The following PCDHB5 variants were observed in gnomAD, a reference collection of about 807,000 sequenced individuals.
PCDHB5 encodes the protein protocadherin beta-5.
For synonymous variants in PCDHB5, 569 were observed against 462.2 expected (o/e 1.23, Z -2.96); for missense variants, 1,125 against 1,029.4 (o/e 1.09, Z -1.27).
chr5:141,137,439 T>C lies in PCDHB5; in HGVS notation c.2005T>C (p.Tyr669His). 6.2e-7 allele frequency: 1 copy of C among 1,612,084 alleles called. No individual in the cohort carries two copies. The highest frequency in any genetic ancestry group is 8.5e-7 in the Non-Finnish European group (1 of 1,179,610). ...CCTGGTGGACGGCTTCTCCCAGCCCTACCTGCCGCTGCCGGAGGCGGCCCC... is the reference window on the plus strand; with the variant it reads ...CCTGGTGGACGGCTTCTCCCAGCCCCACCTGCCGCTGCCGGAGGCGGCCCC... ...VLLVDGFSQP[Y>H]LPLPEAAPAQ... Residue 669 changes from tyrosine (Y) to histidine (H), a missense_variant, in exon 1 of 1, where the codon TAC (tyrosine) becomes CAC (histidine). Transcript: ENST00000231134.
At position 141,136,201 on chromosome 5, in the gene PCDHB5, C is replaced by T. The variant is rs782313237; in HGVS notation, c.767C>T (p.Pro256Leu). 1.9e-6 allele frequency: 3 copies of T among 1,613,924 alleles called. No homozygotes were observed. Among genetic ancestry groups the T allele is most frequent in the Admixed American group, 3.3e-5 (2 of 60,006 alleles). The change falls in exon 1 of 1, where the codon CCC becomes CTC. Residue 256 changes from proline (P) to leucine (L), a missense_variant. Transcript: ENST00000231134. Reference protein sequence around the residue: ...FYEVQVPENSPLNSLVVVVSA... With the variant: ...FYEVQVPENSLLNSLVVVVSA... ...GAGGTACAGGTGCCCGAGAACAGCC[C>T]CCTTAACTCCTTAGTTGTCGTTGTC... is the stretch of plus-strand genomic sequence containing the variant.
At position 141,137,838 on chromosome 5, in the gene PCDHB5, G is replaced by A. The variant is rs13177760; in HGVS notation, c.*16G>A. The A allele has an allele frequency of 3.9e-6, 6 of 1,551,066 alleles. No homozygotes were observed. The South Asian group carries it at 6.1e-5, about 16-fold the overall frequency. ...ATTAAATTAGAGATCTCGTGATGACGCGTTGTTTTCTGCCATTTATCCCAA... is the reference window on the plus strand; with the variant it reads ...ATTAAATTAGAGATCTCGTGATGACACGTTGTTTTCTGCCATTTATCCCAA... On this transcript the variant is annotated 3_prime_UTR_variant, in exon 1 of 1. Coordinates refer to ENST00000231134, the MANE Select transcript of PCDHB5 (RefSeq NM_015669.5).
In PCDHB5 at chr5:141,135,718, T is replaced by G; in HGVS notation, c.284T>G (p.Met95Arg). 1 of 1,614,112 alleles carries G rather than the reference T, an allele frequency of 6.2e-7. No individual in the cohort carries two copies. The highest frequency in any genetic ancestry group is 1.3e-5 in the African/African-American group (1 of 75,026). The change falls in exon 1 of 1, where the codon ATG becomes AGG. Residue 95 changes from methionine (M) to arginine (R), a missense_variant. Coordinates refer to ENST00000231134, the MANE Select transcript of PCDHB5 (RefSeq NM_015669.5). ...TATGAAAAACTAGACCGGGAGGTGA[T>G]GTGCGGGGCGACAGAACCCTGTATA... ...LLYEKLDREV[M>R]CGATEPCILH...
rs782557746 is a variant in PCDHB5, at chr5:141,135,821, T to C, written c.387T>C (p.His129=). The stretch of plus-strand genomic sequence containing the variant: ...TGCAGCTCACAGATATAAATGACCA[T>C]GCCCCAGAGTTCCCAGAGAAGGAAA... ...TDLQLTDIND[H]APEFPEKEML... is the part of the protein sequence containing the mutation. Residue 129 remains histidine (H), a synonymous_variant, in exon 1 of 1, where the codon CAT becomes CAC. Coordinates refer to ENST00000231134, the MANE Select transcript of PCDHB5 (RefSeq NM_015669.5). 22 of 1,613,882 alleles carry C rather than the reference T, an allele frequency of 1.4e-5. No homozygotes were observed. Among genetic ancestry groups the C allele is most frequent in the East Asian group, 2.2e-5 (1 of 44,892 alleles).
chr5:141,136,496 T>C lies in PCDHB5; in HGVS notation c.1062T>C (p.Pro354=), dbSNP rs782647875. The C allele has an allele frequency of 1.2e-6, 2 of 1,614,082 alleles. No individual in the cohort carries two copies. Among genetic ancestry groups the C allele is most frequent in the Non-Finnish European group, 1.7e-6 (2 of 1,180,000 alleles). The part of the protein sequence containing the change: ...PELTMSTLSS[P]TPENAPETVV... ...TCACCATGTCTACGCTCTCCAGCCCTACCCCAGAAAATGCCCCGGAAACTG... is the reference window on the plus strand; with the variant it reads ...TCACCATGTCTACGCTCTCCAGCCCCACCCCAGAAAATGCCCCGGAAACTG... The change falls in exon 1 of 1, where the codon CCT becomes CCC. Residue 354 remains proline, a synonymous_variant. Transcript: ENST00000231134.
rs1554276100 is a variant in PCDHB5 at position 141,137,074 on chromosome 5, G to A, written c.1640G>A (p.Arg547His). 2.4e-5 allele frequency: 39 copies of A among 1,611,672 alleles called. No homozygotes were observed. Among genetic ancestry groups the A allele is most frequent in the Non-Finnish European group, 3.1e-5 (37 of 1,179,660 alleles). The stretch of plus-strand genomic sequence containing the variant: ...GCGCTGAGCAGCGAGGCGCTGGTGC[G>A]CGTGCTGGTGCTGGACGCCAACGAC... ...SPALSSEALV[R>H]VLVLDANDNS... is the part of the protein sequence containing the mutation. The change falls in exon 1 of 1, where the codon CGC becomes CAC. Residue 547 changes from arginine (R) to histidine (H), a missense_variant. Physicochemically the swap from Arg to His is conservative, Grantham distance 29. Transcript: ENST00000231134.
At position 141,137,450 on chromosome 5, in the gene PCDHB5, G is replaced by C. The variant is rs781937074; in HGVS notation, c.2016G>C (p.Leu672=). 2.7e-5 allele frequency: 43 copies of C among 1,612,304 alleles called. 1 individual carries two copies. The highest frequency in any genetic ancestry group is 1.7e-4 in the Admixed American group (10 of 59,982). ...VDGFSQPYLP[L]PEAAPAQAQA... ...GCTTCTCCCAGCCCTACCTGCCGCT[G>C]CCGGAGGCGGCCCCGGCCCAGGCCC... Residue 672 remains leucine (L), a synonymous_variant, in exon 1 of 1, where the codon CTG becomes CTC. Coordinates refer to ENST00000231134, the MANE Select transcript of PCDHB5 (RefSeq NM_015669.5).
chr5:141,137,489 C>T lies in PCDHB5; in HGVS notation c.2055C>T (p.Leu685=). 5 of 1,612,798 alleles carry T rather than the reference C, an allele frequency of 3.1e-6. No homozygotes were observed. Among genetic ancestry groups the T allele is most frequent in the Non-Finnish European group, 4.2e-6 (5 of 1,179,754 alleles). ...AAPAQAQADS[L]TVYLVVALAS... Reference sequence around the variant, plus strand: ...CGGCCCAGGCCCAGGCCGACTCGCTCACTGTCTACCTGGTGGTGGCATTGG... The same window carrying T: ...CGGCCCAGGCCCAGGCCGACTCGCTTACTGTCTACCTGGTGGTGGCATTGG... Residue 685 remains leucine, a synonymous_variant, in exon 1 of 1, where the codon CTC becomes CTT. Transcript: ENST00000231134.
rs782035219 is a variant in PCDHB5, at chr5:141,137,866, T to A, written c.*44T>A. 6.6e-7 allele frequency: 1 copy of A among 1,505,234 alleles called. No homozygotes were observed. Among genetic ancestry groups the A allele is most frequent in the Non-Finnish European group, 8.9e-7 (1 of 1,119,194 alleles). 93.2% of individuals were successfully genotyped at this position (1,505,234 alleles called of 1,614,324 possible). A position where few individuals can be genotyped will look rare whatever the true frequency, so the allele number is the denominator to read the frequency against. Reference sequence around the variant, plus strand: ...TTGTTTTCTGCCATTTATCCCAAACTTTTTCAGATCTAGAATTCGAGAGTG... The same window carrying A: ...TTGTTTTCTGCCATTTATCCCAAACATTTTCAGATCTAGAATTCGAGAGTG... On this transcript the variant is annotated 3_prime_UTR_variant, in exon 1 of 1. Coordinates refer to ENST00000231134, the MANE Select transcript of PCDHB5 (RefSeq NM_015669.5).
In PCDHB5 at chr5:141,136,859, A is replaced by G. The variant is rs782438715; in HGVS notation, c.1425A>G (p.Thr475=). The stretch of plus-strand genomic sequence containing the variant: ...TGCACATCGGCAGTGTCAGCGCCAC[A>G]GACAGAGACTCAGGCACCAACGCCC... ...PALHIGSVSA[T]DRDSGTNAQV... Residue 475 remains threonine, a synonymous_variant, in exon 1 of 1, where the codon ACA becomes ACG. Transcript: ENST00000231134. 1 of 1,612,886 alleles carries G rather than the reference A, an allele frequency of 6.2e-7. No homozygotes were observed. The highest frequency in any genetic ancestry group is 1.1e-5 in the South Asian group (1 of 90,990).
chr5:141,135,323 T>C lies in PCDHB5; in HGVS notation c.-112T>C. The C allele has an allele frequency of 1.3e-6, 1 of 771,898 alleles. No homozygotes were observed. The highest frequency in any genetic ancestry group is 1.8e-5 in the South Asian group (1 of 54,868). 47.8% of individuals were successfully genotyped at this position (771,898 alleles called of 1,614,324 possible). On this transcript the variant is annotated 5_prime_UTR_variant, in exon 1 of 1. Coordinates refer to ENST00000231134, the MANE Select transcript of PCDHB5 (RefSeq NM_015669.5). ...TAGTGGCTAGATCTTCAGGGTGGGC[T>C]TCGTTCTTGTGGAAATCAGTCAAGA...
In PCDHB5 at chr5:141,136,131, T is replaced by A. The variant is rs974862546; in HGVS notation, c.697T>A (p.Leu233Met). Reference sequence around the variant, plus strand: ...GACCACCACAATTCGCATTGTCGTCTTGGATAATAATGACAACGCCCCCGA... The same window carrying A: ...GACCACCACAATTCGCATTGTCGTCATGGATAATAATGACAACGCCCCCGA... The part of the protein sequence containing the change: ...SGTTTIRIVV[L>M]DNNDNAPEFL... Residue 233 changes from leucine (L) to methionine (M), a missense_variant, in exon 1 of 1, where the codon TTG becomes ATG. By Grantham distance (15) the Leu-to-Met change is conservative. Transcript: ENST00000231134. 4 of 1,614,034 alleles carry A rather than the reference T, an allele frequency of 2.5e-6. No homozygotes were observed. The highest frequency in any genetic ancestry group is 3.4e-6 in the Non-Finnish European group (4 of 1,179,980).
Position 141,137,945 on chromosome 5 carries a change from A to C in PCDHB5, c.*123A>C. 1 of 907,206 alleles carries C rather than the reference A, an allele frequency of 1.1e-6. No homozygotes were observed. Among genetic ancestry groups the C allele is most frequent in the Non-Finnish European group, 1.7e-6 (1 of 597,350 alleles). The allele number at this position is 907,206 out of a possible 1,614,324, so 56.2% of individuals were successfully genotyped here. On this transcript the variant is annotated 3_prime_UTR_variant, in exon 1 of 1. Coordinates refer to ENST00000231134, the MANE Select transcript of PCDHB5 (RefSeq NM_015669.5). ...GAGCTTTTATTTCCCTTTTTAATGG[A>C]TTTGTCTGTTGAACTTCATGCTGTC... is the stretch of plus-strand genomic sequence containing the variant.
rs782671821 is a variant in PCDHB5 at position 141,136,196 on chromosome 5, C to T, written c.762C>T (p.Asn254=). Residue 254 remains asparagine (N), a synonymous_variant, in exon 1 of 1, where the codon AAC becomes AAT. Coordinates refer to ENST00000231134, the MANE Select transcript of PCDHB5 (RefSeq NM_015669.5). ...TCTATGAGGTACAGGTGCCCGAGAA[C>T]AGCCCCCTTAACTCCTTAGTTGTCG... ...QSFYEVQVPE[N]SPLNSLVVVV... 5 of 1,614,068 alleles carry T rather than the reference C, an allele frequency of 3.1e-6. No individual in the cohort carries two copies. The highest frequency in any genetic ancestry group is 8.5e-7 in the Non-Finnish European group (1 of 1,179,996).
At position 141,135,806 on chromosome 5, in the gene PCDHB5, A is replaced by G; in HGVS notation, c.372A>G (p.Thr124=). The change falls in exon 1 of 1, where the codon ACA becomes ACG. Residue 124 remains threonine (T), a synonymous_variant. Coordinates refer to ENST00000231134, the MANE Select transcript of PCDHB5 (RefSeq NM_015669.5). ...VQFFQTDLQL[T]DINDHAPEFP... ...TTTTTCAAACTGATCTGCAGCTCAC[A>G]GATATAAATGACCATGCCCCAGAGT... 1 of 1,614,038 alleles carries G rather than the reference A, an allele frequency of 6.2e-7. No homozygotes were observed. The highest frequency in any genetic ancestry group is 8.5e-7 in the Non-Finnish European group (1 of 1,179,926).
chr5:141,136,282 A>G lies in PCDHB5; in HGVS notation c.848A>G (p.Gln283Arg). Residue 283 changes from glutamine (Q) to arginine (R), a missense_variant, in exon 1 of 1, where the codon CAA becomes CGA. Physicochemically the swap from Gln to Arg is conservative, Grantham distance 43 (BLOSUM62 1). Coordinates refer to ENST00000231134, the MANE Select transcript of PCDHB5 (RefSeq NM_015669.5). Reference sequence around the variant, plus strand: ...GGGAGTGTAGCCTATGCTCTATTCCAAGGCGATGAAGTTACTCAACCATTT... The same window carrying G: ...GGGAGTGTAGCCTATGCTCTATTCCGAGGCGATGAAGTTACTCAACCATTT... ...AYGSVAYALF[Q>R]GDEVTQPFVI... 3 of 1,614,202 alleles carry G rather than the reference A, an allele frequency of 1.9e-6. No individual in the cohort carries two copies. In the East Asian group the frequency reaches 6.7e-5, roughly 36 times the overall value.
rs368871219 is a variant in PCDHB5 at position 141,135,776 on chromosome 5, G to A, written c.342G>A (p.Val114=). The A allele has an allele frequency of 2.5e-6, 4 of 1,613,720 alleles. No homozygotes were observed. In the African/African-American group the frequency reaches 4.0e-5, roughly 16 times the overall value. The change falls in exon 1 of 1, where the codon GTG becomes GTA. Residue 114 remains valine, a synonymous_variant. Transcript: ENST00000231134. ...TCCAGCTCTTACTAGAAAATCCAGT[G>A]CAGTTTTTTCAAACTGATCTGCAGC... ...LHFQLLLENP[V]QFFQTDLQLT... is the part of the protein sequence containing the mutation.
rs782522822 is a variant in PCDHB5 at position 141,137,383 on chromosome 5, C to T, written c.1949C>T (p.Pro650Leu). ...VVLVKDNGEP[P>L]RSATATLHVL... The stretch of plus-strand genomic sequence containing the variant: ...CTGGTCAAGGACAATGGCGAGCCTC[C>T]GCGCTCGGCCACCGCCACGCTGCAC... Residue 650 changes from proline to leucine, a missense_variant, in exon 1 of 1, where the codon CCG (proline) becomes CTG (leucine). By Grantham distance (98) the Pro-to-Leu change is moderately conservative. Transcript: ENST00000231134. 6 of 1,609,252 alleles carry T rather than the reference C, an allele frequency of 3.7e-6. No homozygotes were observed. The highest frequency in any genetic ancestry group is 5.1e-6 in the Non-Finnish European group (6 of 1,179,008).
rs782548318 is a variant in PCDHB5, at chr5:141,137,668, C to T, written c.2234C>T (p.Ser745Phe). The change falls in exon 1 of 1, where the codon TCC (serine) becomes TTC (phenylalanine). Residue 745 changes from serine (S) to phenylalanine (F), a missense_variant. Physicochemically the swap from Ser to Phe is radical, Grantham distance 155. Coordinates refer to ENST00000231134, the MANE Select transcript of PCDHB5 (RefSeq NM_015669.5). Reference sequence around the variant, plus strand: ...GACGTGAGCGGCACCGGGACCCTATCCCAGAGCTACCACTACGAGGTGTGT... The same window carrying T: ...GACGTGAGCGGCACCGGGACCCTATTCCAGAGCTACCACTACGAGGTGTGT... ...LVDVSGTGTL[S>F]QSYHYEVCLT... is the part of the protein sequence containing the mutation. 4.3e-5 allele frequency: 69 copies of T among 1,614,092 alleles called. 1 individual carries two copies. The South Asian group carries it at 7.6e-4, about 18-fold the overall frequency.
Sources: gnomAD v4.1 joint callset for allele counts on GRCh38, gnomAD v4.1.1 for gene constraint, MANE v1.5 for transcripts, NCBI Gene and HGNC (gene_info 2026-07-23, HGNC 2026-07-21) for gene names.